SLC25A51: variants seen among roughly 807,000 people sequenced by gnomAD.
SLC25A51 encodes the protein mitochondrial nicotinamide adenine dinucleotide transporter SLC25A51.
SLC25A51 carries 11 observed loss-of-function variants against 19.1 expected under a neutral mutation model. That is an observed-to-expected ratio of 0.58 (90% CI 0.36 to 0.96). The LOEUF is 0.96. Ranked by LOEUF, SLC25A51 falls within the 40% of genes least tolerant of loss-of-function variation. The pLI, the probability that SLC25A51 is intolerant of heterozygous loss-of-function variation, is 0.01. For missense variants in SLC25A51, 201 were observed against 365.4 expected (o/e 0.55, Z 3.67); for synonymous variants, 105 against 133.6 (o/e 0.79, Z 1.47).
downstream of SLC25A51, among the ~76,000 whole-genome samples, chr9:37,884,700 T>C (rs954628177): frequency 1.3e-5 from 2 of 152,208 alleles, no homozygotes; most frequent in African/African-American, 2.4e-5. Flanking sequence ...CACAGGCCTT[T>C]GCTGAGATGG....
chr9:37,893,960 G>A (rs1831653354), intron 2 of SLC25A51, among the ~76,000 whole-genome samples: 1 of 151,958 alleles, frequency 6.6e-6, no homozygotes, highest in Admixed American at 6.6e-5. Context: ...CCTATTCCCT[G>A]CCCTCTTCAA....
chr9:37,894,623 C>T (rs1403528312), intron 2 of SLC25A51, among the ~76,000 whole-genome samples: 1 of 152,048 alleles, frequency 6.6e-6, no homozygotes, highest in Non-Finnish European at 1.5e-5. Flanking sequence ...ACTGGCCTGG[C>T]CTTTTACAAA....
chr9:37,901,268 C>G (rs1286646009), intron 1 of SLC25A51, among the ~76,000 whole-genome samples: 5 of 152,272 alleles, frequency 3.3e-5, no homozygotes, highest in African/African-American at 1.2e-4. Flanking sequence ...CTCCTGGGTT[C>G]AAGCGATTCT....
At chr9:37,889,234 A>G (rs1314875095) in intron 2 of SLC25A51, among the ~76,000 whole-genome samples, 1 of 152,204 alleles carries the variant, frequency 6.6e-6, no homozygotes, top group Non-Finnish European at 1.5e-5. Context: ...TCCTCCCCTG[A>G]GAAATAAAAC....
chr9:37,897,877 T>C (rs911758277), intron 2 of SLC25A51, among the ~76,000 whole-genome samples: 1 of 152,112 alleles, frequency 6.6e-6, no homozygotes, highest in African/African-American at 2.4e-5. Context: ...TCATATATGA[T>C]TTATTCCACT....
downstream of SLC25A51, among the ~76,000 whole-genome samples, chr9:37,884,381 C>A (rs1831406858): frequency 6.6e-6 from 1 of 152,202 alleles, no homozygotes; most frequent in African/African-American, 2.4e-5. Context: ...TTATTTAGAT[C>A]ATATGCTCTC....
downstream of SLC25A51, chr9:37,885,595 G>T (rs1831435762): frequency 2.7e-6 from 2 of 730,480 alleles, no homozygotes; most frequent in South Asian, 2.9e-5. Context: ...TTCACTGTGA[G>T]TTTCACTCTT....
chr9:37,886,847 G>A (rs1831467578), downstream of SLC25A51, among the ~76,000 whole-genome samples: 1 of 152,128 alleles, frequency 6.6e-6, no homozygotes, highest in Non-Finnish European at 1.5e-5. Flanking sequence ...AGCCCTTCTG[G>A]CTTGGTTTAT....
At chr9:37,892,928 C>T (rs1359321675) in intron 2 of SLC25A51, among the ~76,000 whole-genome samples, 1 of 152,054 alleles carries the variant, frequency 6.6e-6, no homozygotes, top group Non-Finnish European at 1.5e-5. Context: ...TTAGTAAAGA[C>T]AGATTTTTGC....
At position 37,893,302 on chromosome 9, in the gene SLC25A51, ACAATCTAT is replaced by A. The variant is rs145279242; in HGVS notation, c.-42-4718_-42-4711del. Reference sequence around the variant, plus strand: ...TGATTAAGAAAATGTAGACATCTGTACAATCTATGGCCTAACGCCTCTTTGGAGTTTGA... The same window carrying A: ...TGATTAAGAAAATGTAGACATCTGTAGGCCTAACGCCTCTTTGGAGTTTGA... On this transcript the variant is annotated intron_variant, in intron 2 of 2. Coordinates refer to ENST00000242275, the MANE Select transcript of SLC25A51 (RefSeq NM_033412.4). Among the ~76,000 whole-genome samples the A allele has an allele frequency of 4.3e-3, 658 of 152,380 alleles. 4 individuals are homozygous for A. Among genetic ancestry groups the A allele is most frequent in the African/African-American group, 0.015 (627 of 41,594 alleles).
At chr9:37,887,121 C>A (rs1264694647), downstream of SLC25A51, among the ~76,000 whole-genome samples, 1 of 152,100 alleles carries the variant, frequency 6.6e-6, no homozygotes, top group African/African-American at 2.4e-5. Flanking sequence ...TCGAGACCAG[C>A]CTGACCAACA....
chr9:37,884,006 T>C (rs1175801156), downstream of SLC25A51, among the ~76,000 whole-genome samples: 1 of 152,208 alleles, frequency 6.6e-6, no homozygotes, highest in Non-Finnish European at 1.5e-5. Flanking sequence ...GGACTATTTG[T>C]CCAAGAACTT....
chr9:37,877,936 A>C (rs1181690533), downstream of SLC25A51, among the ~76,000 whole-genome samples: 1 of 152,124 alleles, frequency 6.6e-6, no homozygotes, highest in Non-Finnish European at 1.5e-5. Flanking sequence ...TGAGCCTGGG[A>C]GGCTGAGGCT....
At chr9:37,888,631 A>G (rs1831515325) in intron 2 of SLC25A51, 39 bp from the exon 3 acceptor site, 1 of 1,473,364 alleles carries the variant, frequency 6.8e-7, no homozygotes, top group Non-Finnish European at 9.1e-7. Context: ...CCCGTTTTAT[A>G]GAGAGCTAAA....
intron 2 of SLC25A51, among the ~76,000 whole-genome samples, chr9:37,898,487 G>A (rs532373553): frequency 5.9e-4 from 89 of 151,860 alleles, no homozygotes; most frequent in African/African-American, 2.0e-3. Context: ...CCTCGGAGGC[G>A]GAGGTTGCAG....
intron 1 of SLC25A51, among the ~76,000 whole-genome samples, chr9:37,902,975 G>A (rs1189846950): frequency 6.6e-6 from 1 of 152,174 alleles, no homozygotes; most frequent in Non-Finnish European, 1.5e-5. Flanking sequence ...CCTGGGTCTA[G>A]TCCTAGTTAC....
chr9:37,894,908 AATGGCTTCCAGCTCC>A (rs1323460511), intron 2 of SLC25A51, among the ~76,000 whole-genome samples: 10 of 152,158 alleles, frequency 6.6e-5, no homozygotes, highest in Non-Finnish European at 1.3e-4. Context: ...TGCTAAGAAT[AATGGCTTCCAGCTCC>A]ATCCATGTTC....
chr9:37,883,195 T>C (rs1042216168), downstream of SLC25A51, among the ~76,000 whole-genome samples: 1 of 152,208 alleles, frequency 6.6e-6, no homozygotes, highest in African/African-American at 2.4e-5. Flanking sequence ...GTAAAAGCAA[T>C]AGTTAGAATC....
At chr9:37,884,267 C>T (rs1831403976), downstream of SLC25A51, among the ~76,000 whole-genome samples, 1 of 152,206 alleles carries the variant, frequency 6.6e-6, no homozygotes, top group Non-Finnish European at 1.5e-5. Context: ...AATATTTTCA[C>T]CTTTTCTAAT....
Sources: gnomAD v4.1 joint callset for allele counts (sites outside exome capture counted in the v4.1 genomes callset) on GRCh38, gnomAD v4.1.1 for gene constraint, MANE v1.5 for transcripts, NCBI Gene and HGNC (gene_info 2026-07-23, HGNC 2026-07-21) for gene names.